PNPO: variants seen among roughly 807,000 people sequenced by gnomAD.
PNPO encodes the protein pyridoxine-5'-phosphate oxidase.
PNPO carries 39 observed loss-of-function variants against 35.0 expected under a neutral mutation model. The observed-to-expected ratio is 1.11, with a 90% CI of 0.86 to 1.45. PNPO has a LOEUF of 1.45. Ranked by LOEUF, PNPO falls within the 40% of genes most tolerant of loss-of-function variation. The probability of loss-of-function intolerance (pLI) is 0.00; values close to 1 mark genes in which losing one functional copy is unlikely to be tolerated. For synonymous variants in PNPO, 115 were observed against 119.8 expected (o/e 0.96, Z 0.26); for missense variants, 288 against 340.0 (o/e 0.85, Z 1.20).
intron 2 of PNPO, 30 bp from the exon 3 acceptor site, chr17:47,944,586 T>C (rs886671376): frequency 1.3e-6 from 2 of 1,543,584 alleles, no homozygotes; most frequent in Non-Finnish European, 1.8e-6. Flanking sequence ...AAGCAGACTC[T>C]GACCACAGTG....
In PNPO at chr17:47,947,296, G is replaced by GCCT. The variant is rs1262608090; in HGVS notation, c.*516_*518dup. 1 of 162,574 alleles carries GCCT rather than the reference G, an allele frequency of 6.2e-6. No individual in the cohort carries two copies. Among genetic ancestry groups the GCCT allele is most frequent in the Non-Finnish European group, 1.4e-5 (1 of 73,254 alleles). 10.1% of individuals were successfully genotyped at this position (162,574 alleles called of 1,614,324 possible). On this transcript the variant is annotated 3_prime_UTR_variant, in exon 7 of 7. Coordinates refer to ENST00000642017, the MANE Select transcript of PNPO (RefSeq NM_018129.4). ...AGCCAGGAAACAATAGGAACCAAAA[G>GCCT]CCTCTGCCTGCTGCTATTGCAATTC... is the stretch of plus-strand genomic sequence containing the variant.
chr17:47,945,412 G>A lies in PNPO; in HGVS notation c.364-147G>A. ...CCTGTCTCTGTGTCTGTGACAATAG[G>A]CCTACTTTTGAGGGTTTAAATGAGC... On this transcript the variant is annotated intron_variant, in intron 3 of 6. Transcript: ENST00000642017. The surrounding 1 kb of genome is among the most constrained non-coding windows in gnomAD (Gnocchi z 4.0). 2.7e-6 allele frequency: 2 copies of A among 737,254 alleles called. No homozygotes were observed. The highest frequency in any genetic ancestry group is 5.0e-6 in the Non-Finnish European group (2 of 402,060). 45.7% of individuals were successfully genotyped at this position (737,254 alleles called of 1,614,324 possible). A position where few individuals can be genotyped will look rare whatever the true frequency, so the allele number is the denominator to read the frequency against.
In PNPO at chr17:47,941,858, G is replaced by A. The variant is rs1353658652; in HGVS notation, c.138+45G>A. On this transcript the variant is annotated intron_variant, in intron 1 of 6. Coordinates refer to ENST00000642017, the MANE Select transcript of PNPO (RefSeq NM_018129.4). ...GCCTCCTGCAGGGGCGGGGGAAAAG[G>A]GGTCCCCGGAGTCATCTACAGCGGG... 2.6e-6 allele frequency: 4 copies of A among 1,531,132 alleles called. No individual in the cohort carries two copies. The African/African-American group carries it at 5.5e-5, about 21-fold the overall frequency. 94.8% of individuals were successfully genotyped at this position (1,531,132 alleles called of 1,614,324 possible).
At position 47,947,018 on chromosome 17, in the gene PNPO, A is replaced by G; in HGVS notation, c.*236A>G. 1.8e-6 allele frequency: 1 copy of G among 551,094 alleles called. No homozygotes were observed. The highest frequency in any genetic ancestry group is 3.3e-6 in the Non-Finnish European group (1 of 307,020). The allele number at this position is 551,094 out of a possible 1,614,324, so 34.1% of individuals were successfully genotyped here. ...ACAAATGGAAAATAATTCCATAATT[A>G]TTTTTTTGACCTTGCCTATGATTGA... On this transcript the variant is annotated 3_prime_UTR_variant, in exon 7 of 7. Coordinates refer to ENST00000642017, the MANE Select transcript of PNPO (RefSeq NM_018129.4).
chr17:47,941,877 C>T, intron 1 of PNPO, 64 bp downstream of exon 1: 1 of 1,504,106 alleles, frequency 6.6e-7, no homozygotes, highest in Non-Finnish European at 8.9e-7. Flanking sequence ...GAGTCATCTA[C>T]AGCGGGGAGG....
intron 1 of PNPO, chr17:47,942,061 C>T: frequency 7.8e-7 from 1 of 1,283,690 alleles, no homozygotes; most frequent in East Asian, 3.0e-5. Flanking sequence ...GGTAAGAGCT[C>T]GAACTTTGGA....
At chr17:47,944,824 G>A (rs1209906001) in intron 3 of PNPO, 109 bp downstream of exon 3, 1 of 871,422 alleles carries the variant, frequency 1.1e-6, no homozygotes, top group East Asian at 2.5e-5. Flanking sequence ...TGCTCTCTGT[G>A]TGCAGGTGCC....
chr17:47,946,799 C>T lies in PNPO; in HGVS notation c.*17C>T. 3 of 1,612,662 alleles carry T rather than the reference C, an allele frequency of 1.9e-6. No individual in the cohort carries two copies. Among genetic ancestry groups the T allele is most frequent in the Non-Finnish European group, 1.7e-6 (2 of 1,179,110 alleles). The stretch of plus-strand genomic sequence containing the variant: ...GCACCTTAACTCTGGGACCTGCTGG[C>T]CCAGAGTGGAGCTAGGGCTAGGTGT... On this transcript the variant is annotated 3_prime_UTR_variant, in exon 7 of 7. Coordinates refer to ENST00000642017, the MANE Select transcript of PNPO (RefSeq NM_018129.4).
In PNPO at chr17:47,945,862, T is replaced by A; in HGVS notation, c.419T>A (p.Val140Glu). ...VFYWEPLNRQ[V>E]RVEGPVKKLP... ...TCACCCAGAGCCATCCCTGAGCAGG[T>A]GCGTGTGGAAGGCCCTGTGAAGAAA... is the stretch of plus-strand genomic sequence containing the variant. The change falls in exon 5 of 7, where the codon GTG (valine) becomes GAG (glutamate). Residue 140 changes from valine (V) to glutamate (E), a missense_variant and splice_region_variant. Val to Glu is a moderately radical substitution (Grantham distance 121). Coordinates refer to ENST00000642017, the MANE Select transcript of PNPO (RefSeq NM_018129.4). This position sits in a 1 kb window ranked among gnomAD's most constrained non-coding sequence, Gnocchi z 4.0. 6.2e-7 allele frequency: 1 copy of A among 1,613,412 alleles called. No individual in the cohort carries two copies. Among genetic ancestry groups the A allele is most frequent in the Non-Finnish European group, 8.5e-7 (1 of 1,179,910 alleles).
At chr17:47,946,128 T>G in intron 5 of PNPO, 139 bp downstream of exon 5, 1 of 1,246,034 alleles carries the variant, frequency 8.0e-7, no homozygotes, top group East Asian at 2.4e-5. Context: ...AAAAGGACAG[T>G]GAGAAGGGAA....
chr17:47,941,966 A>G, intron 1 of PNPO, 153 bp downstream of exon 1: 1 of 1,350,946 alleles, frequency 7.4e-7, no homozygotes, highest in South Asian at 1.9e-5. Flanking sequence ...CCGTGGGAAA[A>G]GGGGGCTTCA....
Position 47,947,266 on chromosome 17 carries a change from A to G in PNPO, c.*484A>G, listed in dbSNP as rs1057445137. ...GGGAGTCATTAAAGCCAAGTCATTC[A>G]TAGCAGCCAGGAAACAATAGGAACC... is the stretch of plus-strand genomic sequence containing the variant. On this transcript the variant is annotated 3_prime_UTR_variant, in exon 7 of 7. Transcript: ENST00000642017. 2.4e-5 allele frequency: 4 copies of G among 167,898 alleles called. No homozygotes were observed. Among genetic ancestry groups the G allele is most frequent in the African/African-American group, 9.6e-5 (4 of 41,742 alleles). The allele number at this position is 167,898 out of a possible 1,614,324, so 10.4% of individuals were successfully genotyped here. A position where few individuals can be genotyped will look rare whatever the true frequency, so the allele number is the denominator to read the frequency against.
chr17:47,943,269 T>C (rs1416599441), intron 1 of PNPO, 37 bp from the exon 2 acceptor site: 5 of 1,569,992 alleles, frequency 3.2e-6, no homozygotes, highest in South Asian at 1.1e-5. Flanking sequence ...GTAAGCACTA[T>C]ATATGTTTAT....
Position 47,944,634 on chromosome 17 carries a change from T to C in PNPO, c.282T>C (p.Ala94=), listed in dbSNP as rs1164370048. 1.2e-6 allele frequency: 2 copies of C among 1,613,956 alleles called. No homozygotes were observed. Among genetic ancestry groups the C allele is most frequent in the Admixed American group, 1.7e-5 (1 of 59,996 alleles). The change falls in exon 3 of 7, where the codon GCT becomes GCC. Residue 94 remains alanine, a synonymous_variant. Coordinates refer to ENST00000642017, the MANE Select transcript of PNPO (RefSeq NM_018129.4). The part of the protein sequence containing the change: ...ATCTRDGKPS[A]RMLLLKGFGK... ...CTCCTAGAGATGGAAAACCCTCTGC[T>C]CGCATGTTGCTGCTGAAGGGCTTCG...
intron 6 of PNPO, 94 bp from the exon 7 acceptor site, chr17:47,946,520 T>A (rs184950839): frequency 4.8e-6 from 7 of 1,470,238 alleles, no homozygotes; most frequent in Non-Finnish European, 5.7e-6. Flanking sequence ...CCCAGCAACT[T>A]CCTTCAAGAG....
Position 47,945,400 on chromosome 17 carries a change from C to A in PNPO, c.364-159C>A. ...CACGTGACTTAGCCTGTCTCTGTGT[C>A]TGTGACAATAGGCCTACTTTTGAGG... On this transcript the variant is annotated intron_variant, in intron 3 of 6. Coordinates refer to ENST00000642017, the MANE Select transcript of PNPO (RefSeq NM_018129.4). The surrounding 1 kb of genome is among the most constrained non-coding windows in gnomAD (Gnocchi z 4.0). The A allele has an allele frequency of 1.4e-6, 1 of 702,980 alleles. No individual in the cohort carries two copies. Among genetic ancestry groups the A allele is most frequent in the Non-Finnish European group, 2.6e-6 (1 of 382,892 alleles). 43.5% of individuals were successfully genotyped at this position (702,980 alleles called of 1,614,324 possible).
chr17:47,946,572 G>A (rs779906632), intron 6 of PNPO, 42 bp from the exon 7 acceptor site: 27 of 1,607,598 alleles, frequency 1.7e-5, no homozygotes, highest in Non-Finnish European at 1.7e-5. Flanking sequence ...GACCTGGCTA[G>A]AAAACTCCAC....
Position 47,945,613 on chromosome 17 carries a change from G to T in PNPO, c.417+1G>T. 1 of 1,612,250 alleles carries T rather than the reference G, an allele frequency of 6.2e-7. No homozygotes were observed. The highest frequency in any genetic ancestry group is 8.5e-7 in the Non-Finnish European group (1 of 1,178,300). On this transcript the variant is annotated splice_donor_variant, in intron 4 of 6. Coordinates refer to ENST00000642017, the MANE Select transcript of PNPO (RefSeq NM_018129.4). LOFTEE classifies it high-confidence loss of function. This position sits in a 1 kb window ranked among gnomAD's most constrained non-coding sequence, Gnocchi z 4.0. ...CTACTGGGAGCCACTTAACCGTCAG[G>T]TGAGTGAATTTTCCCAGGACAGCCT...
Position 47,945,020 on chromosome 17 carries a change from A to G in PNPO, c.363+305A>G. The G allele has an allele frequency of 2.1e-6, 1 of 465,516 alleles. No homozygotes were observed. The highest frequency in any genetic ancestry group is 4.0e-6 in the Non-Finnish European group (1 of 252,050). 28.8% of individuals were successfully genotyped at this position (465,516 alleles called of 1,614,324 possible). On this transcript the variant is annotated intron_variant, in intron 3 of 6. Coordinates refer to ENST00000642017, the MANE Select transcript of PNPO (RefSeq NM_018129.4). This position sits in a 1 kb window ranked among gnomAD's most constrained non-coding sequence, Gnocchi z 4.0. ...GCCCCTCATGCTGTTTGCTGCCATT[A>G]TAACTTGCAACTTTCTTTTTTGTCT...
Sources: allele counts gnomAD v4.1 joint callset, GRCh38; gene constraint gnomAD v4.1.1; non-coding constraint Gnocchi (gnomAD v3.1); transcripts MANE v1.5; gene names NCBI Gene and HGNC (gene_info 2026-07-23, HGNC 2026-07-21).